The following PDE4D variants were observed in gnomAD, a reference collection of about 807,000 sequenced individuals.
The protein encoded by PDE4D is phosphodiesterase 4D.
A neutral mutation model predicts 87.4 loss-of-function variants in PDE4D; 24 were observed. The observed-to-expected ratio is 0.27, with a 90% confidence interval of 0.20 to 0.39. The LOEUF (loss-of-function observed/expected upper bound fraction) is 0.39, where lower values mean the gene tolerates loss of function less well. Ranked by LOEUF, PDE4D falls within the 10% of genes least tolerant of loss-of-function variation. PDE4D has a pLI of 1.00. For synonymous variants in PDE4D, 384 were observed against 383.2 expected, an observed-to-expected ratio of 1.00 and a Z score of -0.02; for missense variants, 714 against 1,041.0, an observed-to-expected ratio of 0.69 and a Z score of 4.32.
intron 1 of PDE4D, among the ~76,000 whole-genome samples, chr5:59,231,290 G>A (rs1012105986): frequency 8.5e-5 from 13 of 152,144 alleles, no homozygotes; most frequent in African/African-American, 2.2e-4. Context: ...CTTGTTGTCT[G>A]CCATATTCCA....
At chr5:59,763,880 C>T (rs1306247078) in intron 1 of PDE4D, among the ~76,000 whole-genome samples, 2 of 152,118 alleles carry the variant, frequency 1.3e-5, no homozygotes, top group Non-Finnish European at 2.9e-5. Flanking sequence ...CACATACTAG[C>T]TAGTGATAAA....
At chr5:60,105,017 A>T (rs1293913743) in intron 2 of PDE4D, among the ~76,000 whole-genome samples, 1 of 152,238 alleles carries the variant, frequency 6.6e-6, no homozygotes, top group Admixed American at 6.5e-5. Context: ...ACGAAGAATG[A>T]CTTTGACGAG....
chr5:60,308,033 C>T (rs1754661278), intron 1 of PDE4D, among the ~76,000 whole-genome samples: 1 of 152,118 alleles, frequency 6.6e-6, no homozygotes, highest in African/African-American at 2.4e-5. Context: ...AAGAGCAAAA[C>T]TCCATCAAAA....
At chr5:59,201,498 T>C (rs978860470) in intron 2 of PDE4D, among the ~76,000 whole-genome samples, 3 of 152,178 alleles carry the variant, frequency 2.0e-5, no homozygotes, top group Non-Finnish European at 4.4e-5. Flanking sequence ...GATTTAAAAT[T>C]ACTTATAAAG....
intron 2 of PDE4D, among the ~76,000 whole-genome samples, chr5:60,131,400 A>G (rs1779568655): frequency 6.6e-6 from 1 of 152,184 alleles, no homozygotes; most frequent in East Asian, 1.9e-4. Flanking sequence ...TCTTCTCATC[A>G]ACAAATAACA....
At chr5:59,911,626 G>A (rs913754745) in intron 3 of PDE4D, among the ~76,000 whole-genome samples, 1 of 152,172 alleles carries the variant, frequency 6.6e-6, no homozygotes, top group African/African-American at 2.4e-5. Context: ...TGGGCAGGAG[G>A]CAAAATGAAC....
At chr5:60,250,318 G>C (rs1032644200) in intron 1 of PDE4D, among the ~76,000 whole-genome samples, 1 of 151,826 alleles carries the variant, frequency 6.6e-6, no homozygotes, top group Admixed American at 6.6e-5. Context: ...CCCAGTCCCT[G>C]ATCAAAGATG....
At chr5:59,240,515 C>T (rs1366574419) in intron 1 of PDE4D, among the ~76,000 whole-genome samples, 1 of 152,104 alleles carries the variant, frequency 6.6e-6, no homozygotes, top group Non-Finnish European at 1.5e-5. Flanking sequence ...ATGAATGGCA[C>T]ATGTCTGTAA....
intron 1 of PDE4D, among the ~76,000 whole-genome samples, chr5:59,311,043 A>G (rs1772478683): frequency 6.6e-6 from 1 of 152,182 alleles, no homozygotes; most frequent in Non-Finnish European, 1.5e-5. Context: ...ACAGTGTCAA[A>G]GGTACAGGTC....
intron 1 of PDE4D, among the ~76,000 whole-genome samples, chr5:60,260,103 T>G (rs1047229578): frequency 5.3e-5 from 8 of 152,084 alleles, no homozygotes; most frequent in Non-Finnish European, 8.8e-5. Context: ...ATTTAATCTT[T>G]GCCTCCCCAT....
intron 2 of PDE4D, among the ~76,000 whole-genome samples, chr5:60,156,612 C>G (rs1357875319): frequency 6.6e-6 from 1 of 151,880 alleles, no homozygotes; most frequent in Non-Finnish European, 1.5e-5. Context: ...AACTTTTTTT[C>G]ATTATAAAAG....
intron 1 of PDE4D, among the ~76,000 whole-genome samples, chr5:59,400,537 A>G (rs1790391410): frequency 7.8e-6 from 1 of 128,108 alleles, no homozygotes. Flanking sequence ...GAACAATGAG[A>G]TCACATGGAC....
chr5:60,137,843 T>C (rs1228657365), intron 2 of PDE4D, among the ~76,000 whole-genome samples: 1 of 152,132 alleles, frequency 6.6e-6, no homozygotes, highest in Admixed American at 6.6e-5. Flanking sequence ...GTCATTTTTG[T>C]CATGAAATCT....
chr5:59,279,564 C>T (rs1293121241), intron 1 of PDE4D, among the ~76,000 whole-genome samples: 2 of 152,038 alleles, frequency 1.3e-5, no homozygotes, highest in Non-Finnish European at 2.9e-5. Flanking sequence ...AGATTTCCTA[C>T]CTCTTTCATA....
intron 1 of PDE4D, among the ~76,000 whole-genome samples, chr5:59,452,635 C>G (rs1459704658): frequency 1.3e-5 from 2 of 152,172 alleles, no homozygotes; most frequent in Non-Finnish European, 2.9e-5. Flanking sequence ...CAAATGTCCA[C>G]CAGTGCCTCC....
At position 59,019,891 on chromosome 5, in the gene PDE4D, C is replaced by G. The variant is rs887456831; in HGVS notation, c.921+18968G>C. On this transcript the variant is annotated intron_variant, in intron 6 of 14. Transcript: ENST00000340635. ...TTTCGCTATCTATCTATCTATCTAT[C>G]TATCTATCTATCTATCTATCTATGT... Among the ~76,000 whole-genome samples the G allele has an allele frequency of 3.7e-4, 53 of 142,080 alleles. 2 individuals are homozygous for G. The highest frequency in any genetic ancestry group is 1.3e-3 in the African/African-American group (51 of 40,790). The allele number at this position is 142,080 out of a possible 152,430, so 93.2% of individuals were successfully genotyped here. A position where few individuals can be genotyped will look rare whatever the true frequency, so the allele number is the denominator to read the frequency against.
chr5:59,771,796 G>T (rs181093477), intron 1 of PDE4D, among the ~76,000 whole-genome samples: 7 of 152,240 alleles, frequency 4.6e-5, no homozygotes, highest in African/African-American at 1.7e-4. Flanking sequence ...GATCATTATG[G>T]TTAAACATGG....
chr5:60,424,575 C>G (rs1307593213), intron 1 of PDE4D, among the ~76,000 whole-genome samples: 1 of 152,208 alleles, frequency 6.6e-6, no homozygotes, highest in Admixed American at 6.5e-5. Flanking sequence ...CAGCCAATAT[C>G]ATACTGAATG....
chr5:60,111,087 C>T (rs1195629923), intron 2 of PDE4D, among the ~76,000 whole-genome samples: 4 of 151,876 alleles, frequency 2.6e-5, no homozygotes, highest in Admixed American at 6.6e-5. Context: ...TTCTGGTGTT[C>T]TGTAGCTCTG....
Sources: gnomAD v4.1 joint callset for allele counts (sites outside exome capture counted in the v4.1 genomes callset) on GRCh38, gnomAD v4.1.1 for gene constraint, MANE v1.5 for transcripts, NCBI Gene and HGNC (gene_info 2026-07-23, HGNC 2026-07-21) for gene names.